Variants in SLC24A2 observed in about 807,000 individuals in gnomAD.
SLC24A2 encodes solute carrier family 24 member 2, also known as sodium/potassium/calcium exchanger 2.
In SLC24A2, 36 loss-of-function variants were observed where a neutral mutation model predicts 62.0. That is an observed-to-expected ratio of 0.58 (90% CI 0.44 to 0.77). SLC24A2 has a LOEUF of 0.77. SLC24A2 is among the 30% of genes least tolerant of loss of function. The pLI, the probability that SLC24A2 is intolerant of heterozygous loss-of-function variation, is 0.00. For missense variants in SLC24A2, 846 were observed against 817.9 expected, an observed-to-expected ratio of 1.03 and a Z score of -0.42; for synonymous variants, 358 against 294.0, an observed-to-expected ratio of 1.22 and a Z score of -2.23.
the SLC24A2 span, among the ~76,000 whole-genome samples, chr9:20,011,155 T>C: frequency 6.6e-6 from 1 of 152,170 alleles, no homozygotes; most frequent in Non-Finnish European, 1.5e-5. Context: ...AAATGGTATT[T>C]CTAGTTCTAG....
the SLC24A2 span, among the ~76,000 whole-genome samples, chr9:19,935,233 T>C: frequency 8.0e-5 from 12 of 150,508 alleles, no homozygotes; most frequent in Non-Finnish European, 1.6e-4. Context: ...GGGGGTGGGG[T>C]GTGTGTGTTA....
the SLC24A2 span, among the ~76,000 whole-genome samples, chr9:20,094,429 C>T: frequency 2.6e-5 from 4 of 152,240 alleles, no homozygotes; most frequent in South Asian, 2.1e-4. Context: ...TTGTGGTCAA[C>T]GATAAAATTT....
At chr9:19,636,315 T>TTTCCTTTCTTTCTTTCTTTCTTTC (rs1554690361) in intron 2 of SLC24A2, among the ~76,000 whole-genome samples, 1 of 40,328 alleles carries the variant, frequency 2.5e-5, no homozygotes, top group African/African-American at 1.2e-4. Context: ...TTTTCTTTTC[T>TTTCCTTTCTTTCTTTCTTTCTTTC]TTTCTTTCTT....
intron 2 of SLC24A2, among the ~76,000 whole-genome samples, chr9:19,773,543 A>G (rs1822753476): frequency 6.6e-6 from 1 of 152,194 alleles, no homozygotes; most frequent in African/African-American, 2.4e-5. Context: ...TTTAATACAT[A>G]AAACACTACA....
the SLC24A2 span, among the ~76,000 whole-genome samples, chr9:20,213,657 G>T: frequency 3.9e-5 from 6 of 152,076 alleles, no homozygotes; most frequent in African/African-American, 1.4e-4. Context: ...ATAATACTCT[G>T]TACAATTTTG....
the SLC24A2 span, among the ~76,000 whole-genome samples, chr9:20,102,310 A>G: frequency 1.3e-5 from 2 of 149,046 alleles, no homozygotes; most frequent in African/African-American, 5.0e-5. Context: ...CTATGCAGCC[A>G]TAAAAAAAAG....
the SLC24A2 span, among the ~76,000 whole-genome samples, chr9:20,252,101 G>A: frequency 6.6e-6 from 1 of 152,156 alleles, no homozygotes; most frequent in Non-Finnish European, 1.5e-5. Context: ...ATGTTGGGAG[G>A]CCAGCCACAA....
At chr9:19,808,114 T>G in the SLC24A2 span, among the ~76,000 whole-genome samples, 1 of 152,144 alleles carries the variant, frequency 6.6e-6, no homozygotes, top group Non-Finnish European at 1.5e-5. This position sits in a 1 kb window ranked among gnomAD's most constrained non-coding sequence, Gnocchi z 4.1. Context: ...TCTTTTTGGG[T>G]TCTTTCTGGA....
chr9:19,593,153 C>T (rs529341208), intron 5 of SLC24A2, among the ~76,000 whole-genome samples: 4 of 152,214 alleles, frequency 2.6e-5, no homozygotes, highest in Non-Finnish European at 5.9e-5. Flanking sequence ...TGAATTCTGC[C>T]TGCCCTCACT....
the SLC24A2 span, among the ~76,000 whole-genome samples, chr9:19,881,133 C>A: frequency 6.6e-6 from 1 of 152,048 alleles, no homozygotes; most frequent in Non-Finnish European, 1.5e-5. Context: ...CTATTATTAT[C>A]ACATAAGTAT....
the SLC24A2 span, among the ~76,000 whole-genome samples, chr9:19,872,149 C>T: frequency 2.0e-5 from 3 of 152,114 alleles, no homozygotes; most frequent in Non-Finnish European, 4.4e-5. Context: ...TGCTAGAGAG[C>T]TCCAATATGT....
At chr9:19,717,974 CTT>C (rs373497951) in intron 2 of SLC24A2, among the ~76,000 whole-genome samples, 81 of 135,250 alleles carry the variant, frequency 6.0e-4, no homozygotes, top group Admixed American at 8.3e-4. Context: ...TGATTTAAAA[CTT>C]TTTTTTTTTT....
the SLC24A2 span, among the ~76,000 whole-genome samples, chr9:20,105,026 A>G: frequency 6.6e-6 from 1 of 152,208 alleles, no homozygotes; most frequent in South Asian, 2.1e-4. Context: ...ATGGAAAACA[A>G]AAAAAGGTAG....
At chr9:19,809,748 G>C in the SLC24A2 span, among the ~76,000 whole-genome samples, 1 of 151,994 alleles carries the variant, frequency 6.6e-6, no homozygotes, top group African/African-American at 2.4e-5. Flanking sequence ...ATACCTGATC[G>C]AACCGATCTG....
the SLC24A2 span, among the ~76,000 whole-genome samples, chr9:19,946,017 A>G: frequency 6.6e-6 from 1 of 152,224 alleles, no homozygotes; most frequent in Non-Finnish European, 1.5e-5. Context: ...CAGTTTCAAA[A>G]GTAAAACTGC....
intron 4 of SLC24A2, among the ~76,000 whole-genome samples, chr9:19,603,819 G>T (rs1252360698): frequency 6.6e-6 from 1 of 152,138 alleles, no homozygotes; most frequent in Non-Finnish European, 1.5e-5. Context: ...GTGATTTTGC[G>T]TTGGAATTTT....
chr9:19,948,478 A>C, the SLC24A2 span, among the ~76,000 whole-genome samples: 2 of 152,230 alleles, frequency 1.3e-5, no homozygotes, highest in African/African-American at 4.8e-5. Context: ...AAGTAAAATA[A>C]ATATATGTGA....
At chr9:19,971,919 G>A in the SLC24A2 span, among the ~76,000 whole-genome samples, 1 of 152,034 alleles carries the variant, frequency 6.6e-6, no homozygotes, top group South Asian at 2.1e-4. Flanking sequence ...TATACTTCAG[G>A]AAACTGAAAC....
At chr9:20,005,710 T>A in the SLC24A2 span, among the ~76,000 whole-genome samples, 2 of 151,834 alleles carry the variant, frequency 1.3e-5, no homozygotes, top group African/African-American at 4.8e-5. Flanking sequence ...TAGATGTAAA[T>A]GGAGAAAAAT....
Sources: gnomAD v4.1 joint callset for allele counts (sites outside exome capture counted in the v4.1 genomes callset) on GRCh38, gnomAD v4.1.1 for gene constraint, Gnocchi (gnomAD v3.1) non-coding constraint, MANE v1.5 for transcripts, NCBI Gene and HGNC (gene_info 2026-07-23, HGNC 2026-07-21) for gene names.